The following GSAP variants were observed in gnomAD, a reference collection of about 807,000 sequenced individuals.
The protein encoded by GSAP is gamma-secretase activating protein.
In GSAP, 118 loss-of-function variants were observed where a neutral mutation model predicts 131.7. That is an observed-to-expected ratio of 0.90 (90% CI 0.77 to 1.04). GSAP has a LOEUF of 1.04. Among genes scored for constraint, GSAP ranks in the 50% least tolerant of loss-of-function variants. The pLI is 0.00. For missense variants in GSAP, 1,019 were observed against 1,013.2 expected (o/e 1.01, Z -0.08); for synonymous variants, 381 against 363.4 (o/e 1.05, Z -0.55).
chr7:77,375,083 T>C lies in GSAP; in HGVS notation c.760A>G (p.Ile254Val). 3.2e-6 allele frequency: 5 copies of C among 1,557,326 alleles called. No individual in the cohort carries two copies. Among genetic ancestry groups the C allele is most frequent in the East Asian group, 2.3e-5 (1 of 44,044 alleles). Reference protein sequence around the residue: ...YNLMFEVPLDISLSNSGFKLV... With the variant: ...YNLMFEVPLDVSLSNSGFKLV... ...TTAAATCCTGAGTTGCTTAATGATA[T>C]GTCCAAGGGTACTTCAAACTGTCAA... The change falls in exon 11 of 31, where the codon ATA (isoleucine) becomes GTA (valine). Residue 254 changes from isoleucine (I) to valine (V), a missense_variant. Coordinates refer to ENST00000257626, the MANE Select transcript of GSAP (RefSeq NM_017439.4).
At chr7:77,384,824 T>A (rs539414570) in intron 6 of GSAP, among the ~76,000 whole-genome samples, 5 of 152,072 alleles carry the variant, frequency 3.3e-5, no homozygotes, top group Non-Finnish European at 7.4e-5. Flanking sequence ...CAATGGACAG[T>A]AGATGTCATT....
chr7:77,314,653 C>T (rs774106062), intron 26 of GSAP, 164 bp from the exon 27 acceptor site: 42 of 653,112 alleles, frequency 6.4e-5, no homozygotes, highest in African/African-American at 1.1e-4. Flanking sequence ...CTGTATTATT[C>T]GTAACTAAAT....
chr7:77,328,458 C>A, intron 22 of GSAP, 148 bp downstream of exon 22: 2 of 1,383,918 alleles, frequency 1.4e-6, no homozygotes, highest in African/African-American at 1.5e-5. Context: ...AGCCGTGCGG[C>A]CACTCTAACA....
At chr7:77,378,477 C>A (rs1014729215) in intron 8 of GSAP, among the ~76,000 whole-genome samples, 3 of 150,832 alleles carry the variant, frequency 2.0e-5, no homozygotes, top group African/African-American at 7.3e-5. Context: ...GAGCAAGAGT[C>A]CATCTCAAAA....
At chr7:77,350,194 G>A (rs566187526) in intron 18 of GSAP, among the ~76,000 whole-genome samples, 1 of 143,926 alleles carries the variant, frequency 6.9e-6, no homozygotes, top group Non-Finnish European at 1.5e-5. Context: ...AACACTGCAT[G>A]TTCTCACTCA....
chr7:77,415,404 T>TA (rs1804175258), intron 1 of GSAP: 1 of 152,250 alleles, frequency 6.6e-6, no homozygotes, highest in Non-Finnish European at 1.5e-5. Flanking sequence ...GAAGCTCCAA[T>TA]ATTTATAGAA....
chr7:77,411,648 C>T (rs1385767472), intron 1 of GSAP, among the ~76,000 whole-genome samples: 2 of 152,250 alleles, frequency 1.3e-5, no homozygotes, highest in Admixed American at 6.5e-5. Context: ...GTATTTTGTT[C>T]ATAGTTGGAA....
At chr7:77,312,016 G>C in intron 29 of GSAP, 76 bp from the exon 30 acceptor site, 3 of 1,175,268 alleles carry the variant, frequency 2.6e-6, no homozygotes, top group Non-Finnish European at 3.8e-6. Context: ...GATAAGAACT[G>C]TAATTGCTGT....
At chr7:77,354,374 G>A (rs1321483672) in intron 16 of GSAP, among the ~76,000 whole-genome samples, 1 of 152,152 alleles carries the variant, frequency 6.6e-6, no homozygotes, top group Non-Finnish European at 1.5e-5. Flanking sequence ...GCTTTGTAAA[G>A]AGTCAAAGGC....
At chr7:77,376,411 C>T (rs570996302) in intron 10 of GSAP, among the ~76,000 whole-genome samples, 6 of 152,168 alleles carry the variant, frequency 3.9e-5, no homozygotes, top group Non-Finnish European at 5.9e-5. Flanking sequence ...ATTTTACTTG[C>T]TCATACGAGT....
intron 26 of GSAP, chr7:77,315,920 T>C (rs955265866): frequency 2.0e-5 from 3 of 152,208 alleles, no homozygotes; most frequent in Non-Finnish European, 2.9e-5. Flanking sequence ...CCTTGCAGTC[T>C]GCTGGGGGAG....
At chr7:77,383,198 A>G (rs1798042889) in intron 6 of GSAP, among the ~76,000 whole-genome samples, 1 of 152,180 alleles carries the variant, frequency 6.6e-6, no homozygotes, top group South Asian at 2.1e-4. Context: ...AAATAAAGTA[A>G]AATAAACAGT....
intron 12 of GSAP, among the ~76,000 whole-genome samples, chr7:77,371,581 C>A (rs541414274): frequency 2.0e-5 from 3 of 152,014 alleles, no homozygotes; most frequent in Admixed American, 6.6e-5. Flanking sequence ...ACTACAGGCA[C>A]GTGCCACCAC....
At chr7:77,410,119 G>C (rs76772108) in intron 1 of GSAP, among the ~76,000 whole-genome samples, 2 of 152,122 alleles carry the variant, frequency 1.3e-5, no homozygotes, top group Non-Finnish European at 2.9e-5. Context: ...ATTTGTTAGA[G>C]GGCATAACTT....
chr7:77,360,961 G>A (rs1794448905), intron 13 of GSAP, 60 bp from the exon 14 acceptor site: 5 of 925,134 alleles, frequency 5.4e-6, no homozygotes, highest in Non-Finnish European at 9.0e-6. Flanking sequence ...CTCCACCCAA[G>A]GCAGTGACTA....
chr7:77,400,466 G>A (rs562999622), intron 3 of GSAP, among the ~76,000 whole-genome samples: 113 of 152,286 alleles, frequency 7.4e-4, no homozygotes, highest in Admixed American at 1.3e-3. Flanking sequence ...TGGGGAGACT[G>A]AAATCCCACC....
chr7:77,412,962 G>A (rs536866078), intron 1 of GSAP, among the ~76,000 whole-genome samples: 6 of 152,008 alleles, frequency 3.9e-5, no homozygotes, highest in African/African-American at 9.7e-5. Context: ...ACTTTTAGAC[G>A]TACATTCTAG....
chr7:77,407,953 A>T (rs1277640394), intron 1 of GSAP, among the ~76,000 whole-genome samples: 20 of 152,250 alleles, frequency 1.3e-4, no homozygotes, highest in Admixed American at 1.2e-3. Context: ...AACACATGTG[A>T]AACTGAGCAA....
chr7:77,409,198 T>C (rs1802838147), intron 1 of GSAP, among the ~76,000 whole-genome samples: 1 of 152,134 alleles, frequency 6.6e-6, no homozygotes, highest in Admixed American at 6.5e-5. Flanking sequence ...AATCAGTTCA[T>C]GGGCCAAGCA....
Sources: allele counts gnomAD v4.1 joint callset (sites outside exome capture counted in the v4.1 genomes callset), GRCh38; gene constraint gnomAD v4.1.1; transcripts MANE v1.5; gene names NCBI Gene and HGNC (gene_info 2026-07-23, HGNC 2026-07-21).